Variants in LBP observed in about 807,000 individuals in gnomAD.
LBP encodes the protein lipopolysaccharide-binding protein.
A neutral mutation model predicts 56.6 loss-of-function variants in LBP; 53 were observed. That is an observed-to-expected ratio of 0.94 (90% CI 0.75 to 1.18). The LOEUF is 1.18. Among genes scored for constraint, LBP ranks in the 50% most tolerant of loss-of-function variants. The probability of loss-of-function intolerance (pLI) is 0.00; values close to 1 mark genes in which losing one functional copy is unlikely to be tolerated. For missense variants in LBP, 601 were observed against 598.3 expected (o/e 1.00, Z -0.05); for synonymous variants, 227 against 247.5 (o/e 0.92, Z 0.78).
chr20:38,370,866 T>TACAGAGAAGCAGCTACA, intron 11 of LBP, 61 bp downstream of exon 11: 3 of 1,353,256 alleles, frequency 2.2e-6, no homozygotes, highest in Non-Finnish European at 3.2e-6. Context: ...ATGCTGTAGC[T>TACAGAGAAGCAGCTACA]GCTTCTCTGT....
intron 6 of LBP, among the ~76,000 whole-genome samples, chr20:38,361,873 C>T (rs2076861381): frequency 6.6e-6 from 1 of 151,658 alleles, no homozygotes; most frequent in African/African-American, 2.4e-5. Context: ...CACTGCCCAG[C>T]CCTCCAGGGT....
intron 9 of LBP, among the ~76,000 whole-genome samples, chr20:38,367,198 A>T (rs1406769827): frequency 6.6e-6 from 1 of 152,158 alleles, no homozygotes; most frequent in East Asian, 1.9e-4. Flanking sequence ...TCATGCCTGT[A>T]ATCCCAGCAT....
rs2076884450 is a variant in LBP at position 38,366,912 on chromosome 20, A to G, written c.981+84A>G. ...TCTCTTTAAAACCTCTGCATCTCTC[A>G]GCTTGACCAAGAGTGAGAAGGCCGG... On this transcript the variant is annotated intron_variant, in intron 9 of 14. Transcript: ENST00000217407. 4.8e-6 allele frequency: 6 copies of G among 1,262,492 alleles called. No homozygotes were observed. In the South Asian group the frequency reaches 6.0e-5, roughly 13 times the overall value. The allele number at this position is 1,262,492 out of a possible 1,614,324, so 78.2% of individuals were successfully genotyped here. A position where few individuals can be genotyped will look rare whatever the true frequency, so the allele number is the denominator to read the frequency against.
intron 11 of LBP, 151 bp downstream of exon 11, chr20:38,370,956 G>A: frequency 1.4e-6 from 1 of 696,552 alleles, no homozygotes; most frequent in Non-Finnish European, 2.6e-6. Context: ...TGCCCCACTG[G>A]TCCTGCCCCC....
intron 8 of LBP, among the ~76,000 whole-genome samples, chr20:38,366,118 T>A (rs535301502): frequency 6.6e-6 from 1 of 152,192 alleles, no homozygotes; most frequent in Non-Finnish European, 1.5e-5. Flanking sequence ...AGTTGAGGCC[T>A]CATGAATAAT....
intron 14 of LBP, 141 bp downstream of exon 14, chr20:38,374,154 T>G: frequency 1.3e-6 from 1 of 775,690 alleles, no homozygotes; most frequent in Non-Finnish European, 2.1e-6. Context: ...CGGGTGCTCC[T>G]GGGCCTTGCC....
Position 38,366,771 on chromosome 20 carries a change from A to G in LBP, c.924A>G (p.Ile308Met), listed in dbSNP as rs112214592. The G allele has an allele frequency of 1.9e-6, 3 of 1,613,622 alleles. No homozygotes were observed. The African/African-American group carries it at 4.0e-5, about 22-fold the overall frequency. The change falls in exon 9 of 15, where the codon ATA becomes ATG. Residue 308 changes from isoleucine (I) to methionine (M), a missense_variant and splice_region_variant. Ile to Met is a conservative substitution (Grantham distance 10). Coordinates refer to ENST00000217407, the MANE Select transcript of LBP (RefSeq NM_004139.5). ...YLNFSITDDMIPPDSNIRLTT... is the reference protein window; with the variant it reads ...YLNFSITDDMMPPDSNIRLTT... ...TTCTTCATGTCTCTTTGCTGCAGATACCGCCTGACTCTAATATCCGACTGA... is the reference window on the plus strand; with the variant it reads ...TTCTTCATGTCTCTTTGCTGCAGATGCCGCCTGACTCTAATATCCGACTGA...
intron 2 of LBP, 118 bp from the exon 3 acceptor site, chr20:38,350,693 T>C: frequency 8.4e-7 from 1 of 1,186,710 alleles, no homozygotes; most frequent in Non-Finnish European, 1.2e-6. Context: ...CAGCAGGTGC[T>C]TACCTGGAGC....
Position 38,361,768 on chromosome 20 carries a change from T to C in LBP, c.652+1001T>C, listed in dbSNP as rs143748743. Among the ~76,000 whole-genome samples, 340 of 152,136 alleles carry C rather than the reference T, an allele frequency of 2.2e-3. 2 individuals carry two copies. The highest frequency in any genetic ancestry group is 7.8e-3 in the African/African-American group (322 of 41,496). The stretch of plus-strand genomic sequence containing the variant: ...TAAAGAAAAGTGCTCAAATCATAAG[T>C]GTGCTGTTAAAGAGTTTTTACATGC... On this transcript the variant is annotated intron_variant, in intron 6 of 14. Transcript: ENST00000217407.
chr20:38,364,458 T>C (rs2076873413), intron 7 of LBP, 118 bp from the exon 8 acceptor site: 2 of 913,688 alleles, frequency 2.2e-6, no homozygotes, highest in South Asian at 2.9e-5. Context: ...CCTTTAATGG[T>C]GGAGTTTCAG....
intron 9 of LBP, 80 bp downstream of exon 9, chr20:38,366,908 T>C (rs1470320309): frequency 1.5e-6 from 2 of 1,304,800 alleles, no homozygotes; most frequent in Non-Finnish European, 2.2e-6. Context: ...CCTCTGCATC[T>C]CTCAGCTTGA....
At chr20:38,358,571 C>T (rs2076849251) in intron 5 of LBP, among the ~76,000 whole-genome samples, 1 of 152,194 alleles carries the variant, frequency 6.6e-6, no homozygotes, top group East Asian at 1.9e-4. Context: ...CCACACTTGA[C>T]CTTGCTTTCT....
intron 12 of LBP, among the ~76,000 whole-genome samples, chr20:38,372,567 A>T (rs2076904194): frequency 6.6e-6 from 1 of 152,218 alleles, no homozygotes; most frequent in Non-Finnish European, 1.5e-5. Flanking sequence ...AGTTTGTAGT[A>T]AGTCCCTTTC....
Position 38,356,420 on chromosome 20 carries a change from GCACACACACACACA to G in LBP, c.588+1033_588+1046del, listed in dbSNP as rs34125610. Among the ~76,000 whole-genome samples, 44 of 124,888 alleles carry G rather than the reference GCACACACACACACA, an allele frequency of 3.5e-4. 1 individual carries two copies. The highest frequency in any genetic ancestry group is 1.4e-3 in the African/African-American group (41 of 29,992). 81.9% of individuals were successfully genotyped at this position (124,888 alleles called of 152,430 possible). ...CACACCCCCCACACCACACACACGC[GCACACACACACACA>G]CACACACACACACACACACACCCTC... On this transcript the variant is annotated intron_variant, in intron 5 of 14. Transcript: ENST00000217407.
intron 4 of LBP, among the ~76,000 whole-genome samples, 191 bp from the exon 5 acceptor site, chr20:38,355,155 C>T (rs2076834186): frequency 6.6e-6 from 1 of 152,216 alleles, no homozygotes; most frequent in Non-Finnish European, 1.5e-5. Context: ...TGTGATCATG[C>T]GATTGGGTGC....
intron 9 of LBP, 25 bp downstream of exon 9, chr20:38,366,853 G>A (rs1428253133): frequency 1.2e-6 from 2 of 1,604,284 alleles, no homozygotes; most frequent in Non-Finnish European, 1.7e-6. Flanking sequence ...AGTTCCCCAT[G>A]AGTGCAGACC....
intron 8 of LBP, among the ~76,000 whole-genome samples, chr20:38,366,188 A>G (rs2122618346): frequency 6.6e-6 from 1 of 152,294 alleles, no homozygotes; most frequent in East Asian, 1.9e-4. Flanking sequence ...ACCCTGGTAT[A>G]AGTCAGGGGC....
chr20:38,366,949 C>T, intron 9 of LBP, 121 bp downstream of exon 9: 1 of 892,858 alleles, frequency 1.1e-6, no homozygotes, highest in South Asian at 1.4e-5. Flanking sequence ...ATGAGACTCC[C>T]ACTGAAGGCT....
chr20:38,361,323 A>G (rs1317712461), intron 6 of LBP, among the ~76,000 whole-genome samples: 12 of 152,176 alleles, frequency 7.9e-5, no homozygotes, highest in African/African-American at 2.7e-4. Context: ...ACATTCATGT[A>G]TGTATTATTT....
Sources: gnomAD v4.1 joint callset for allele counts (sites outside exome capture counted in the v4.1 genomes callset) on GRCh38, gnomAD v4.1.1 for gene constraint, MANE v1.5 for transcripts, NCBI Gene and HGNC (gene_info 2026-07-23, HGNC 2026-07-21) for gene names.